EPHA7: variants seen among roughly 807,000 people sequenced by gnomAD.
EPHA7 encodes the protein ephrin type-A receptor 7.
A neutral mutation model predicts 112.6 loss-of-function variants in EPHA7; 25 were observed. That is an observed-to-expected ratio of 0.22 (90% CI 0.16 to 0.31). The LOEUF is 0.31. Ranked by LOEUF, EPHA7 falls within the 10% of genes least tolerant of loss-of-function variation. The pLI is 1.00. For missense variants in EPHA7, 962 were observed against 1,212.6 expected (o/e 0.79, Z 3.07); for synonymous variants, 437 against 406.5 (o/e 1.07, Z -0.90).
At chr6:93,350,412 G>A (rs1775631674) in intron 5 of EPHA7, among the ~76,000 whole-genome samples, 1 of 151,628 alleles carries the variant, frequency 6.6e-6, no homozygotes, top group African/African-American at 2.4e-5. Context: ...CAATCATTTG[G>A]GTCATCACTA....
chr6:93,356,413 C>T (rs1474196641), intron 5 of EPHA7, among the ~76,000 whole-genome samples: 2 of 151,976 alleles, frequency 1.3e-5, no homozygotes, highest in Non-Finnish European at 2.9e-5. Context: ...TCTTGTTGCC[C>T]AGGCTGGTCT....
intron 11 of EPHA7, 109 bp from the exon 12 acceptor site, chr6:93,257,632 A>G (rs935769234): frequency 1.5e-6 from 1 of 688,884 alleles, no homozygotes; most frequent in Non-Finnish European, 2.4e-6. Flanking sequence ...AGTGAGTGTG[A>G]GAAGTATGAG....
At chr6:93,398,012 G>A (rs1778264212) in intron 3 of EPHA7, among the ~76,000 whole-genome samples, 1 of 151,770 alleles carries the variant, frequency 6.6e-6, no homozygotes, top group South Asian at 2.1e-4. Flanking sequence ...TATAGTTTTT[G>A]TCTCTGCAAC....
intron 3 of EPHA7, among the ~76,000 whole-genome samples, chr6:93,401,391 T>C (rs1778430918): frequency 1.3e-5 from 2 of 151,984 alleles, no homozygotes; most frequent in African/African-American, 2.4e-5. Flanking sequence ...TCACAGAATA[T>C]AAGAAAAATA....
At chr6:93,261,898 A>G (rs1258807086) in intron 9 of EPHA7, among the ~76,000 whole-genome samples, 2 of 151,584 alleles carry the variant, frequency 1.3e-5, no homozygotes, top group African/African-American at 4.8e-5. Flanking sequence ...ATAAGGCTAT[A>G]CAACAAATTT....
chr6:93,379,991 C>G (rs1014035786), intron 3 of EPHA7, among the ~76,000 whole-genome samples: 1 of 151,998 alleles, frequency 6.6e-6, no homozygotes, highest in Admixed American at 6.6e-5. Context: ...GATTTTGTTT[C>G]TTTGTTTGTT....
At chr6:93,256,080 T>C (rs1169184973) in intron 12 of EPHA7, 43 bp from the exon 13 acceptor site, 10 of 1,551,520 alleles carry the variant, frequency 6.4e-6, no homozygotes, top group Non-Finnish European at 8.0e-6. Flanking sequence ...CTGCATACTT[T>C]AAAAGGGACA....
In EPHA7 at chr6:93,403,351, G is replaced by A. The variant is rs559648240; in HGVS notation, c.832+7150C>T. ...GTAAGAAACTGCTAGGTATCATGGC[G>A]GGTAGGTAAAAAAAAAAAAATCACA... On this transcript the variant is annotated intron_variant, in intron 3 of 16. Coordinates refer to ENST00000369303, the MANE Select transcript of EPHA7 (RefSeq NM_004440.4). Among the ~76,000 whole-genome samples, 9 of 109,136 alleles carry A rather than the reference G, an allele frequency of 8.2e-5. 1 individual carries two copies. Among genetic ancestry groups the A allele is most frequent in the African/African-American group, 3.3e-4 (8 of 24,142 alleles). The allele number at this position is 109,136 out of a possible 152,430, so 71.6% of individuals were successfully genotyped here.
intron 5 of EPHA7, among the ~76,000 whole-genome samples, chr6:93,356,364 T>G (rs1775946932): frequency 6.6e-6 from 1 of 152,026 alleles, no homozygotes; most frequent in African/African-American, 2.4e-5. Flanking sequence ...TGCACCACCA[T>G]GCCCGGCTAA....
intron 3 of EPHA7, among the ~76,000 whole-genome samples, chr6:93,399,489 G>A (rs527961502): frequency 6.8e-4 from 103 of 151,956 alleles, no homozygotes; most frequent in Non-Finnish European, 1.1e-3. Context: ...ATATTCTACA[G>A]GATTTTTTAG....
intron 6 of EPHA7, among the ~76,000 whole-genome samples, chr6:93,271,131 C>T (rs532117053): frequency 5.5e-4 from 84 of 151,890 alleles, no homozygotes; most frequent in African/African-American, 2.0e-3. Flanking sequence ...CAATAATCCC[C>T]TCTAAAACAC....
At chr6:93,295,135 T>C (rs1328936335) in intron 5 of EPHA7, among the ~76,000 whole-genome samples, 4 of 151,866 alleles carry the variant, frequency 2.6e-5, no homozygotes, top group African/African-American at 9.7e-5. Context: ...ATCAACCATT[T>C]TGAACTTTGT....
chr6:93,401,390 A>T (rs1057121800), intron 3 of EPHA7, among the ~76,000 whole-genome samples: 2 of 152,130 alleles, frequency 1.3e-5, no homozygotes, highest in African/African-American at 4.8e-5. Context: ...ATCACAGAAT[A>T]TAAGAAAAAT....
chr6:93,383,263 CGTGTGTGTGT>C (rs56368005), intron 3 of EPHA7, among the ~76,000 whole-genome samples: 2,260 of 145,320 alleles, frequency 0.016, 17 homozygotes, highest in African/African-American at 0.026. Context: ...TATTGGAACT[CGTGTGTGTGT>C]GTGTGTGTGT....
chr6:93,243,575 T>C, intron 16 of EPHA7, 35 bp from the exon 17 acceptor site: 1 of 1,377,042 alleles, frequency 7.3e-7, no homozygotes, highest in Middle Eastern at 1.8e-4. Context: ...ATTAGGTACC[T>C]TACAAAGAAT....
At chr6:93,418,538 G>C (rs1779358859) in intron 1 of EPHA7, among the ~76,000 whole-genome samples, 1 of 152,218 alleles carries the variant, frequency 6.6e-6, no homozygotes, top group Admixed American at 6.5e-5. Context: ...AGCCCGCTGG[G>C]CTGCCGCTGC....
chr6:93,380,891 C>A lies in EPHA7; in HGVS notation c.833-22480G>T, dbSNP rs999003704. Among the ~76,000 whole-genome samples the A allele has an allele frequency of 2.6e-5, 4 of 152,116 alleles. No homozygotes were observed. The East Asian group carries it at 7.7e-4, about 29-fold the overall frequency. On this transcript the variant is annotated intron_variant, in intron 3 of 16. Coordinates refer to ENST00000369303, the MANE Select transcript of EPHA7 (RefSeq NM_004440.4). Reference sequence around the variant, plus strand: ...TTTCACTTATTCATGAATGTATTGGCAAGTACCTCTGCATCACTCATAAAA... The same window carrying A: ...TTTCACTTATTCATGAATGTATTGGAAAGTACCTCTGCATCACTCATAAAA...
intron 11 of EPHA7, among the ~76,000 whole-genome samples, 193 bp downstream of exon 11, chr6:93,257,902 GCATT>G (rs1770510268): frequency 6.6e-6 from 1 of 151,736 alleles, no homozygotes; most frequent in African/African-American, 2.4e-5. Flanking sequence ...CTCTAATCTT[GCATT>G]CATTTTTTTT....
At position 93,258,264 on chromosome 6, in the gene EPHA7, T is replaced by A; in HGVS notation, c.1945A>T (p.Ser649Cys). The A allele has an allele frequency of 6.2e-7, 1 of 1,602,456 alleles. No homozygotes were observed. Among genetic ancestry groups the A allele is most frequent in the South Asian group, 1.1e-5 (1 of 88,638 alleles). Residue 649 changes from serine (S) to cysteine (C), a missense_variant, in exon 11 of 17, where the codon AGT becomes TGT. Transcript: ENST00000369303. Reference protein sequence around the residue: ...IGAGEFGEVCSGRLKLPGKRD... With the variant: ...IGAGEFGEVCCGRLKLPGKRD... The stretch of plus-strand genomic sequence containing the variant: ...TTCCCTGGAAGTTTCAAACGGCCAC[T>A]GCAGACTTCACCGAATTCTCCTGAA...
Sources: allele counts gnomAD v4.1 joint callset (sites outside exome capture counted in the v4.1 genomes callset), GRCh38; gene constraint gnomAD v4.1.1; transcripts MANE v1.5; gene names NCBI Gene and HGNC (gene_info 2026-07-23, HGNC 2026-07-21).